WASHC2A: variants seen among roughly 807,000 people sequenced by gnomAD.
WASHC2A encodes the protein WASH complex subunit 2A, also known as WASH complex subunit FAM21A.
WASHC2A carries 82 observed loss-of-function variants against 140.3 expected under a neutral mutation model. That is an observed-to-expected ratio of 0.58 (90% CI 0.49 to 0.70). The LOEUF (loss-of-function observed/expected upper bound fraction) is 0.70. Among genes scored for constraint, WASHC2A ranks in the 30% least tolerant of loss-of-function variants. WASHC2A has a pLI of 0.00. For missense variants in WASHC2A, 985 were observed against 1,521.8 expected (o/e 0.65, Z 5.87); for synonymous variants, 340 against 560.8 (o/e 0.61, Z 5.56).
chr10:50,112,622 A>G (rs1286331615), intron 20 of WASHC2A, among the ~76,000 whole-genome samples: 16 of 141,636 alleles, frequency 1.1e-4, no homozygotes, highest in African/African-American at 3.4e-4. Context: ...TTGCAGCCTT[A>G]GTCATAACAG....
At chr10:50,072,122 G>A (rs1837888975) in intron 3 of WASHC2A, among the ~76,000 whole-genome samples, 1 of 144,470 alleles carries the variant, frequency 6.9e-6, no homozygotes, top group Non-Finnish European at 1.5e-5. Flanking sequence ...ATGTTGGTGA[G>A]TCTGCTTTTG....
intron 3 of WASHC2A, 58 bp from the exon 4 acceptor site, chr10:50,078,617 G>A (rs1838599843): frequency 1.9e-6 from 3 of 1,611,610 alleles, no homozygotes; most frequent in Admixed American, 1.7e-5. Flanking sequence ...TTCTTATATT[G>A]TGATTTATTT....
At chr10:50,076,451 CAG>C (rs1838318732) in intron 3 of WASHC2A, among the ~76,000 whole-genome samples, 1 of 152,124 alleles carries the variant, frequency 6.6e-6, no homozygotes, top group East Asian at 1.9e-4. Context: ...AATTTTGGGT[CAG>C]AGGATATGAT....
intron 17 of WASHC2A, among the ~76,000 whole-genome samples, chr10:50,102,688 A>G (rs1841330443): frequency 6.8e-6 from 1 of 146,366 alleles, no homozygotes; most frequent in East Asian, 2.1e-4. Flanking sequence ...CTGTCCAAAG[A>G]GGTCTTAGAA....
In WASHC2A at chr10:50,127,688, A is replaced by T. The variant is rs1228543650; in HGVS notation, c.2980A>T (p.Arg994Ter). 2 of 1,587,868 alleles carry T rather than the reference A, an allele frequency of 1.3e-6. No homozygotes were observed. The highest frequency in any genetic ancestry group is 2.2e-5 in the South Asian group (2 of 89,204). ...PELAFPSSEH[R>*]RSHGLESVPV... ...ATTGGCTTTTCCTTCATCTGAACAC[A>T]GAAGGAGCCACGGTCTGGAAAGTGT... The change falls in exon 28 of 31, where the codon AGA becomes TGA. Residue 994 changes from arginine (R) to a stop codon, truncating the protein, a stop_gained. Coordinates refer to ENST00000282633, the MANE Select transcript of WASHC2A (RefSeq NM_001005751.3). LOFTEE classifies it high-confidence loss of function.
intron 3 of WASHC2A, among the ~76,000 whole-genome samples, chr10:50,074,926 T>TAATA (rs368841772): frequency 0.2 from 30,746 of 150,388 alleles, 3,428 homozygotes; most frequent in Admixed American, 0.29. Context: ...AAAAAAATAA[T>TAATA]AATAAATAAA....
chr10:50,071,982 C>T lies in WASHC2A; in HGVS notation c.291+2271C>T, dbSNP rs1348038974. Among the ~76,000 whole-genome samples the T allele has an allele frequency of 4.4e-5, 6 of 137,524 alleles. No individual in the cohort carries two copies. In the Admixed American group the frequency reaches 4.4e-4, roughly 10 times the overall value. The allele number at this position is 137,524 out of a possible 152,430, so 90.2% of individuals were successfully genotyped here. A position where few individuals can be genotyped will look rare whatever the true frequency, so the allele number is the denominator to read the frequency against. On this transcript the variant is annotated intron_variant, in intron 3 of 30. Transcript: ENST00000282633. ...GGAGTGCAGTGACACCATCTCGGCT[C>T]ACTGCAACATCCGCCTCCCGTGTTC...
chr10:50,091,777 A>G (rs1159116116), intron 10 of WASHC2A, among the ~76,000 whole-genome samples: 1 of 152,250 alleles, frequency 6.6e-6, no homozygotes, highest in Non-Finnish European at 1.5e-5. Context: ...CAGGGGATTA[A>G]TAGAAACTCC....
Position 50,129,457 on chromosome 10 carries a change from C to T in WASHC2A, c.3126C>T (p.Thr1042=), listed in dbSNP as rs1260910711. 6.2e-7 allele frequency: 1 copy of T among 1,611,936 alleles called. No individual in the cohort carries two copies. The highest frequency in any genetic ancestry group is 1.3e-5 in the African/African-American group (1 of 74,936). ...VKMRGKRRPQ[T]RAARRLAAQE... is the part of the protein sequence containing the mutation. ...TGAGAGGGAAGCGTAGACCGCAGAC[C>T]CGTGCAGCTAGGCGGCTGGCTGCTC... is the stretch of plus-strand genomic sequence containing the variant. The change falls in exon 29 of 31, where the codon ACC becomes ACT. Residue 1042 remains threonine, a synonymous_variant. Transcript: ENST00000282633.
chr10:50,130,916 A>G lies in WASHC2A; in HGVS notation c.3724A>G (p.Thr1242Ala), dbSNP rs1409773566. 3 of 1,602,982 alleles carry G rather than the reference A, an allele frequency of 1.9e-6. No individual in the cohort carries two copies. The Admixed American group carries it at 5.3e-5, about 28-fold the overall frequency. Residue 1242 changes from threonine to alanine, a missense_variant, in exon 30 of 31, where the codon ACG (threonine) becomes GCG (alanine). By Grantham distance (58) the Thr-to-Ala change is moderately conservative. Transcript: ENST00000282633. ...QDIFEDDIFA[T>A]EAIKPSQKTR... ...GCTTAACAAGGATGATATATTTGCTACGGAAGCAATTAAACCCTCTCAGAA... is the reference window on the plus strand; with the variant it reads ...GCTTAACAAGGATGATATATTTGCTGCGGAAGCAATTAAACCCTCTCAGAA...
At chr10:50,090,054 G>T (rs1440773489) in intron 8 of WASHC2A, among the ~76,000 whole-genome samples, 1 of 151,458 alleles carries the variant, frequency 6.6e-6, no homozygotes, top group Non-Finnish European at 1.5e-5. Context: ...AGGTTGCAGT[G>T]AGCCGAGATC....
At chr10:50,111,796 G>A (rs1464020712) in intron 20 of WASHC2A, among the ~76,000 whole-genome samples, 1 of 152,196 alleles carries the variant, frequency 6.6e-6, no homozygotes, top group Non-Finnish European at 1.5e-5. Flanking sequence ...TGGGGAGGCC[G>A]AGGCAGGCAG....
chr10:50,092,576 G>C (rs1445788833), intron 11 of WASHC2A, among the ~76,000 whole-genome samples: 2 of 151,966 alleles, frequency 1.3e-5, no homozygotes, highest in African/African-American at 4.8e-5. Flanking sequence ...AGAATCACTT[G>C]AACCCGGGAG....
chr10:50,076,133 C>A (rs1838290582), intron 3 of WASHC2A, among the ~76,000 whole-genome samples: 1 of 151,964 alleles, frequency 6.6e-6, no homozygotes, highest in South Asian at 2.1e-4. Context: ...ACCATGTTGG[C>A]CAGGCTGGTC....
intron 23 of WASHC2A, among the ~76,000 whole-genome samples, chr10:50,124,159 C>CA (rs1370953092): frequency 3.3e-5 from 5 of 152,084 alleles, no homozygotes; most frequent in Admixed American, 2.0e-4. Flanking sequence ...GGCTGGAGTG[C>CA]AGTGGCGTGA....
intron 8 of WASHC2A, among the ~76,000 whole-genome samples, chr10:50,087,741 G>C (rs1185503633): frequency 6.6e-6 from 1 of 152,074 alleles, no homozygotes; most frequent in Non-Finnish European, 1.5e-5. Context: ...ATAGCTAAAG[G>C]CGTATTCTTT....
chr10:50,072,166 C>T (rs1837894098), intron 3 of WASHC2A, among the ~76,000 whole-genome samples: 1 of 146,752 alleles, frequency 6.8e-6, no homozygotes, highest in African/African-American at 2.5e-5. Context: ...CCCATTGCAA[C>T]CTCCGCCTCC....
chr10:50,111,403 A>G (rs1437059364), intron 20 of WASHC2A, among the ~76,000 whole-genome samples: 9 of 151,950 alleles, frequency 5.9e-5, no homozygotes, highest in Non-Finnish European at 1.0e-4. Flanking sequence ...TAGGCTCTGG[A>G]AACTTGATAT....
intron 21 of WASHC2A, among the ~76,000 whole-genome samples, chr10:50,116,119 A>AG (rs1842651914): frequency 7.5e-6 from 1 of 133,328 alleles, no homozygotes; most frequent in Admixed American, 7.7e-5. Context: ...CCATCTCAAA[A>AG]AAAAAAAAAA....
Sources: allele counts gnomAD v4.1 joint callset (sites outside exome capture counted in the v4.1 genomes callset), GRCh38; gene constraint gnomAD v4.1.1; transcripts MANE v1.5; gene names NCBI Gene and HGNC (gene_info 2026-07-23, HGNC 2026-07-21).